The following IL7 variants were observed in gnomAD, a reference collection of about 807,000 sequenced individuals.
IL7 encodes the protein interleukin 7.
In IL7, 3 loss-of-function variants were observed where a neutral mutation model predicts 21.6. The ratio of observed to expected loss-of-function variants is 0.14; its 90% CI spans 0.06 to 0.36. The LOEUF is 0.36. Ranked by LOEUF, IL7 falls within the 10% of genes least tolerant of loss-of-function variation. The pLI is 1.00. For missense variants in IL7, 175 were observed against 200.2 expected (o/e 0.87, Z 0.76); for synonymous variants, 62 against 68.1 (o/e 0.91, Z 0.44).
At chr8:78,711,870 A>G (rs1164720977) in intron 3 of IL7, 1 of 487,246 alleles carries the variant, frequency 2.1e-6, no homozygotes, top group Non-Finnish European at 3.5e-6. Flanking sequence ...TGACAGTCAG[A>G]TAAAATTAAG....
intron 2 of IL7, among the ~76,000 whole-genome samples, chr8:78,789,801 A>T (rs189349328): frequency 6.6e-6 from 1 of 152,316 alleles, no homozygotes; most frequent in South Asian, 2.1e-4. Context: ...GATGGATGAG[A>T]TGAAGGCCAT....
downstream of IL7, among the ~76,000 whole-genome samples, chr8:78,728,363 A>T (rs1811369549): frequency 6.6e-6 from 1 of 151,988 alleles, no homozygotes; most frequent in African/African-American, 2.4e-5. Flanking sequence ...AAATGACCCA[A>T]TTTCTAGAAA....
chr8:78,676,983 A>T (rs1209707755), intron 4 of IL7, among the ~76,000 whole-genome samples: 2 of 152,078 alleles, frequency 1.3e-5, no homozygotes, highest in African/African-American at 4.8e-5. Flanking sequence ...GTCATCTGCT[A>T]TCCTCATTTT....
rs1335350962 is a variant in IL7, at chr8:78,688,620, T to G, written n.215-2673A>C. 4.6e-5 allele frequency among the ~76,000 whole-genome samples: 7 copies of G among 152,308 alleles called. No individual in the cohort carries two copies. The East Asian group carries it at 1.3e-3, about 29-fold the overall frequency. ...ATTTCAAAAGAAGTTTAATTTACAG[T>G]ATGCTTTGCATTTTGGGAAGATATT... On this transcript the variant is annotated intron_variant and non_coding_transcript_variant, in intron 3 of 4. Coordinates refer to the IL7 transcript ENST00000523959.
chr8:78,781,351 G>A (rs796670882), intron 2 of IL7, among the ~76,000 whole-genome samples: 25 of 152,264 alleles, frequency 1.6e-4, no homozygotes, highest in African/African-American at 5.5e-4. Flanking sequence ...GTAGTGGCTG[G>A]TAATCATTTT....
At chr8:78,715,098 G>T, downstream of IL7, 5 of 766,556 alleles carry the variant, frequency 6.5e-6, no homozygotes, top group Middle Eastern at 2.4e-4. Flanking sequence ...TAATTATTGG[G>T]ACTTTAATCT....
downstream of IL7, among the ~76,000 whole-genome samples, chr8:78,713,780 A>G (rs764876394): frequency 1.8e-4 from 27 of 152,220 alleles, no homozygotes; most frequent in Non-Finnish European, 2.5e-4. Flanking sequence ...ACTTAAGTTC[A>G]AGTACTACTC....
exon 5 of IL7, chr8:78,675,824 T>G (rs759749667): frequency 3.1e-6 from 5 of 1,610,344 alleles, no homozygotes; most frequent in South Asian, 1.1e-5. Flanking sequence ...AATTGTTACC[T>G]TGCAAGATTT....
intron 3 of IL7, among the ~76,000 whole-genome samples, chr8:78,687,983 T>TTA (rs1404413018): frequency 2.1e-5 from 3 of 145,240 alleles, no homozygotes; most frequent in South Asian, 2.1e-4. Flanking sequence ...TATATATAAA[T>TTA]TATATATATA....
At chr8:78,691,245 C>A (rs1450130971) in intron 3 of IL7, among the ~76,000 whole-genome samples, 2 of 151,232 alleles carry the variant, frequency 1.3e-5, no homozygotes, top group East Asian at 3.9e-4. Flanking sequence ...TCTTACATTT[C>A]TCTTTAGTTT....
In IL7 at chr8:78,733,410, G is replaced by C. The variant is rs961832185; in HGVS notation, c.*303C>G. On this transcript the variant is annotated 3_prime_UTR_variant, in exon 6 of 6. Coordinates refer to ENST00000263851, the MANE Select transcript of IL7 (RefSeq NM_000880.4). ...TGTCTTGAAATATTTAAACAGGTTTGAGAAGTATTATTGCAACTGATACCT... is the reference window on the plus strand; with the variant it reads ...TGTCTTGAAATATTTAAACAGGTTTCAGAAGTATTATTGCAACTGATACCT... 4.3e-6 allele frequency: 1 copy of C among 232,638 alleles called. No homozygotes were observed. The highest frequency in any genetic ancestry group is 2.3e-5 in the African/African-American group (1 of 42,912). The allele number at this position is 232,638 out of a possible 1,614,324, so 14.4% of individuals were successfully genotyped here. A position where few individuals can be genotyped will look rare whatever the true frequency, so the allele number is the denominator to read the frequency against.
chr8:78,728,256 T>G (rs183533059), downstream of IL7, among the ~76,000 whole-genome samples: 29 of 152,094 alleles, frequency 1.9e-4, no homozygotes, highest in African/African-American at 7.0e-4. Flanking sequence ...AACAAGCTTT[T>G]TTTACTGATT....
intron 3 of IL7, among the ~76,000 whole-genome samples, chr8:78,722,489 A>C (rs905147559): frequency 6.6e-6 from 1 of 152,042 alleles, no homozygotes; most frequent in Non-Finnish European, 1.5e-5. Flanking sequence ...TATTTTTCTT[A>C]TACTGAAATA....
At chr8:78,692,971 AAC>A (rs1810261500) in intron 3 of IL7, among the ~76,000 whole-genome samples, 1 of 152,058 alleles carries the variant, frequency 6.6e-6, no homozygotes, top group Non-Finnish European at 1.5e-5. Context: ...TATGAGTGAG[AAC>A]ATGCGGTGTT....
At chr8:78,746,616 G>A (rs1811986426) in intron 2 of IL7, among the ~76,000 whole-genome samples, 1 of 152,168 alleles carries the variant, frequency 6.6e-6, no homozygotes, top group South Asian at 2.1e-4. Context: ...GTAAGGTGGA[G>A]TATCTTTGTG....
intron 5 of IL7, among the ~76,000 whole-genome samples, chr8:78,736,271 C>T (rs957075573): frequency 6.6e-6 from 1 of 151,028 alleles, no homozygotes; most frequent in African/African-American, 2.4e-5. Flanking sequence ...GCCCTAACAG[C>T]TTCTATTTTA....
At chr8:78,690,109 A>G (rs1275446372) in intron 3 of IL7, among the ~76,000 whole-genome samples, 1 of 152,212 alleles carries the variant, frequency 6.6e-6, no homozygotes, top group African/African-American at 2.4e-5. Context: ...TCAGATGAAT[A>G]TAAATGTATG....
intron 5 of IL7, among the ~76,000 whole-genome samples, chr8:78,720,260 CAAA>C (rs1271420247): frequency 2.6e-5 from 4 of 151,544 alleles, no homozygotes; most frequent in African/African-American, 7.3e-5. Flanking sequence ...ACACAGATAA[CAAA>C]GAATCATCAG....
intron 2 of IL7, among the ~76,000 whole-genome samples, chr8:78,789,901 A>C (rs1302914679): frequency 2.0e-5 from 3 of 152,182 alleles, no homozygotes; most frequent in Non-Finnish European, 4.4e-5. Flanking sequence ...AACAGGCTAA[A>C]TGTGATGGCA....
Sources: allele counts gnomAD v4.1 joint callset (sites outside exome capture counted in the v4.1 genomes callset), GRCh38; gene constraint gnomAD v4.1.1; transcripts MANE v1.5; gene names NCBI Gene and HGNC (gene_info 2026-07-23, HGNC 2026-07-21).